CWC25: variants seen among roughly 807,000 people sequenced by gnomAD.
CWC25 encodes the protein pre-mRNA-splicing factor CWC25 homolog.
Under a neutral mutation model 54.6 loss-of-function variants are expected in CWC25, and 31 were observed. That is an observed-to-expected ratio of 0.57 (90% confidence interval 0.43 to 0.77). The LOEUF is 0.77. Ranked by LOEUF, CWC25 falls within the 30% of genes least tolerant of loss-of-function variation. The pLI, the probability that CWC25 is intolerant of heterozygous loss-of-function variation, is 0.00. For synonymous variants in CWC25, 151 were observed against 187.0 expected, an observed-to-expected ratio of 0.81 and a Z score of 1.57; for missense variants, 453 against 529.3, an observed-to-expected ratio of 0.86 and a Z score of 1.41.
chr17:38,818,332 A>T (rs1390062436), intron 2 of CWC25, among the ~76,000 whole-genome samples: 1 of 151,666 alleles, frequency 6.6e-6, no homozygotes, highest in African/African-American at 2.4e-5. Flanking sequence ...TGTGGCTCAC[A>T]TCTGTAATCC....
At chr17:38,808,911 A>G (rs1036551281) in intron 6 of CWC25, among the ~76,000 whole-genome samples, 9 of 148,354 alleles carry the variant, frequency 6.1e-5, no homozygotes, top group African/African-American at 2.2e-4. Flanking sequence ...GCGCCATTGC[A>G]CTCTAACCTG....
chr17:38,820,918 C>T lies in CWC25; in HGVS notation c.174G>A (p.Glu58=). 1 of 1,612,184 alleles carries T rather than the reference C, an allele frequency of 6.2e-7. No individual in the cohort carries two copies. Among genetic ancestry groups the T allele is most frequent in the East Asian group, 2.2e-5 (1 of 44,874 alleles). The change falls in exon 2 of 10, where the codon GAG becomes GAA. Residue 58 remains glutamate, a synonymous_variant. Coordinates refer to ENST00000614790, the MANE Select transcript of CWC25 (RefSeq NM_017748.5). ...TCACTTACTTGACGGCCCCAACATC[C>T]TCCGCATAGCGCTGCATCTCTTCCC... ...RAREEMQRYA[E]DVGAVKKKEE...
chr17:38,821,489 G>A (rs1259027468), intron 1 of CWC25, among the ~76,000 whole-genome samples: 22 of 152,202 alleles, frequency 1.4e-4, no homozygotes, highest in Admixed American at 1.4e-3. Flanking sequence ...GAACCAAGAG[G>A]CGGAGGTTGC....
intron 3 of CWC25, among the ~76,000 whole-genome samples, 177 bp from the exon 4 acceptor site, chr17:38,813,041 G>A (rs1598073293): frequency 1.3e-5 from 2 of 151,894 alleles, no homozygotes; most frequent in South Asian, 4.1e-4. Context: ...ATCGCTCCCA[G>A]CTACTTGAGG....
In CWC25 at chr17:38,801,252, G is replaced by C. The variant is rs977525768; in HGVS notation, c.*840C>G. Reference sequence around the variant, plus strand: ...TGGAGCATATTGGCAATTTGGTTCTGACTCCTAAAATCATTTTACTATACC... The same window carrying C: ...TGGAGCATATTGGCAATTTGGTTCTCACTCCTAAAATCATTTTACTATACC... On this transcript the variant is annotated 3_prime_UTR_variant, in exon 10 of 10. Coordinates refer to ENST00000614790, the MANE Select transcript of CWC25 (RefSeq NM_017748.5). The C allele has an allele frequency of 6.6e-6, 1 of 152,086 alleles. No individual in the cohort carries two copies. Among genetic ancestry groups the C allele is most frequent in the African/African-American group, 2.4e-5 (1 of 41,404 alleles). 9.4% of individuals were successfully genotyped at this position (152,086 alleles called of 1,614,324 possible).
chr17:38,816,252 C>G (rs947433265), intron 2 of CWC25, among the ~76,000 whole-genome samples: 1 of 151,812 alleles, frequency 6.6e-6, no homozygotes, highest in African/African-American at 2.4e-5. Context: ...CTTTTTTGTT[C>G]TTTTTTTTCT....
chr17:38,808,583 C>A (rs1267022026), intron 6 of CWC25, among the ~76,000 whole-genome samples: 1 of 140,044 alleles, frequency 7.1e-6, no homozygotes, highest in African/African-American at 2.6e-5. Context: ...GAGTTTGAGA[C>A]CAGCCTGACG....
chr17:38,803,659 A>G (rs779848445), intron 8 of CWC25, among the ~76,000 whole-genome samples: 17 of 151,866 alleles, frequency 1.1e-4, no homozygotes, highest in Non-Finnish European at 2.2e-4. Context: ...CAAACGAAAA[A>G]CAATTTACTA....
chr17:38,812,302 T>A (rs2143572554), intron 4 of CWC25, among the ~76,000 whole-genome samples: 1 of 152,200 alleles, frequency 6.6e-6, no homozygotes, highest in Non-Finnish European at 1.5e-5. Context: ...ATGGTAATGC[T>A]TTCCACAGGC....
intron 6 of CWC25, among the ~76,000 whole-genome samples, chr17:38,808,390 A>G (rs1322425472): frequency 7.2e-6 from 1 of 139,532 alleles, no homozygotes; most frequent in Non-Finnish European, 1.6e-5. Context: ...TCAAAAAAAA[A>G]AAAGAAAGAA....
Position 38,809,109 on chromosome 17 carries a change from A to T in CWC25, c.690+593T>A, listed in dbSNP as rs547532312. 5.3e-5 allele frequency among the ~76,000 whole-genome samples: 8 copies of T among 151,020 alleles called. No individual in the cohort carries two copies. The South Asian group carries it at 1.7e-3, about 32-fold the overall frequency. Reference sequence around the variant, plus strand: ...AAAAAAAAAAAAAAGAACCCAGCAGATTTATGTTTGTCAAAAATCATCAAC... The same window carrying T: ...AAAAAAAAAAAAAAGAACCCAGCAGTTTTATGTTTGTCAAAAATCATCAAC... On this transcript the variant is annotated intron_variant, in intron 6 of 9. Transcript: ENST00000614790.
chr17:38,813,541 A>T lies in CWC25; in HGVS notation c.429-677T>A, dbSNP rs531993667. Among the ~76,000 whole-genome samples the T allele has an allele frequency of 3.8e-5, 5 of 129,884 alleles. No homozygotes were observed. The South Asian group carries it at 1.3e-3, about 33-fold the overall frequency. 85.2% of individuals were successfully genotyped at this position (129,884 alleles called of 152,430 possible). A position where few individuals can be genotyped will look rare whatever the true frequency, so the allele number is the denominator to read the frequency against. On this transcript the variant is annotated intron_variant, in intron 3 of 9. Transcript: ENST00000614790. ...CAAAAATCTCTCACAAATATAAGAG[A>T]TTGTCTCAAAAAAAAAAAAAAAAAA...
At chr17:38,824,000 G>C (rs1912035106) in intron 1 of CWC25, among the ~76,000 whole-genome samples, 2 of 152,162 alleles carry the variant, frequency 1.3e-5, no homozygotes, top group African/African-American at 4.8e-5. Flanking sequence ...CCCTGGATTA[G>C]AGCTTTCCTG....
At chr17:38,802,959 A>G (rs1911090996) in intron 8 of CWC25, 98 bp from the exon 9 acceptor site, 1 of 1,399,444 alleles carries the variant, frequency 7.1e-7, no homozygotes, top group Admixed American at 1.8e-5. Context: ...CAAGCTCTCC[A>G]GTTCACTGCT....
chr17:38,813,961 A>G (rs998823631), intron 3 of CWC25, among the ~76,000 whole-genome samples: 2 of 152,008 alleles, frequency 1.3e-5, no homozygotes, highest in African/African-American at 4.8e-5. Flanking sequence ...TCCCGGGTTC[A>G]TGCCATTCTC....
intron 8 of CWC25, among the ~76,000 whole-genome samples, chr17:38,804,575 G>A (rs957014720): frequency 6.6e-6 from 1 of 152,118 alleles, no homozygotes; most frequent in Non-Finnish European, 1.5e-5. Context: ...GGGAGGCTGA[G>A]GCGGGCAGAT....
intron 2 of CWC25, among the ~76,000 whole-genome samples, chr17:38,818,500 G>A (rs1407558805): frequency 2.8e-5 from 4 of 144,808 alleles, no homozygotes; most frequent in Non-Finnish European, 6.0e-5. Flanking sequence ...GCTGAGGCAG[G>A]AGAATGGCAT....
rs1911009430 is a variant in CWC25 at position 38,801,208 on chromosome 17, T to G, written c.*884A>C. 6.6e-6 allele frequency: 1 copy of G among 152,166 alleles called. No individual in the cohort carries two copies. Among genetic ancestry groups the G allele is most frequent in the African/African-American group, 2.4e-5 (1 of 41,418 alleles). 9.4% of individuals were successfully genotyped at this position (152,166 alleles called of 1,614,324 possible). A position where few individuals can be genotyped will look rare whatever the true frequency, so the allele number is the denominator to read the frequency against. ...AGCCGCAAAATAAAAACTTCCATTT[T>G]ATTTTCCTTTAGGAGCCATGGAGCA... On this transcript the variant is annotated 3_prime_UTR_variant, in exon 10 of 10. Transcript: ENST00000614790.
chr17:38,803,243 T>C (rs143664563), intron 8 of CWC25, among the ~76,000 whole-genome samples: 1,704 of 152,284 alleles, frequency 0.011, 15 homozygotes, highest in South Asian at 0.053. Context: ...TAACTACCCA[T>C]TGGAGACTAG....
Sources: allele counts gnomAD v4.1 joint callset (sites outside exome capture counted in the v4.1 genomes callset), GRCh38; gene constraint gnomAD v4.1.1; transcripts MANE v1.5; gene names NCBI Gene and HGNC (gene_info 2026-07-23, HGNC 2026-07-21).